FOXP1: variants seen among roughly 807,000 people sequenced by gnomAD.
FOXP1 encodes forkhead box P1.
Under a neutral mutation model 98.2 loss-of-function variants are expected in FOXP1, and 15 were observed. That is an observed-to-expected ratio of 0.15 (90% CI 0.10 to 0.24). FOXP1 has a LOEUF of 0.24. Ranked by LOEUF, FOXP1 falls within the 10% of genes least tolerant of loss-of-function variation. The pLI is 1.00. For synonymous variants in FOXP1, 371 were observed against 314.5 expected, an observed-to-expected ratio of 1.18 and a Z score of -1.90; for missense variants, 633 against 848.5, an observed-to-expected ratio of 0.75 and a Z score of 3.15.
intron 6 of FOXP1, among the ~76,000 whole-genome samples, chr3:71,135,468 A>G (rs1391902050): frequency 5.9e-5 from 9 of 151,964 alleles, no homozygotes; most frequent in Admixed American, 5.2e-4. Flanking sequence ...TCCCCTTTGA[A>G]AGTTCTAAGC....
chr3:70,955,215 C>G lies in FOXP1; in HGVS notation c.*4032G>C, dbSNP rs1377304023. On this transcript the variant is annotated 3_prime_UTR_variant, in exon 21 of 21. Transcript: ENST00000649528. Reference sequence around the variant, plus strand: ...AAAAGAGAGGAAATATTTTTTAACTCTATTTTTTTTCATGAGGAAAAAAAA... The same window carrying G: ...AAAAGAGAGGAAATATTTTTTAACTGTATTTTTTTTCATGAGGAAAAAAAA... 1.7e-5 allele frequency: 4 copies of G among 232,328 alleles called. No homozygotes were observed. The highest frequency in any genetic ancestry group is 6.1e-5 in the East Asian group (1 of 16,494). 14.4% of individuals were successfully genotyped at this position (232,328 alleles called of 1,614,324 possible).
intron 7 of FOXP1, among the ~76,000 whole-genome samples, chr3:71,085,749 T>TTTTTTTTTTTTTTTTTTTTTTTTTC (rs2055006693): frequency 7.2e-6 from 1 of 139,368 alleles, no homozygotes; most frequent in African/African-American, 2.7e-5. Context: ...TTTTTTTTTT[T>TTTTTTTTTTTTTTTTTTTTTTTTTC]ACATGGAGTC....
intron 4 of FOXP1, among the ~76,000 whole-genome samples, chr3:71,316,395 A>C (rs2075075881): frequency 6.6e-6 from 1 of 152,054 alleles, no homozygotes; most frequent in African/African-American, 2.4e-5. Flanking sequence ...GTACCTGTGA[A>C]CTATTCTAAC....
chr3:71,508,274 T>C (rs544443897), intron 2 of FOXP1, among the ~76,000 whole-genome samples: 1 of 152,370 alleles, frequency 6.6e-6, no homozygotes, highest in African/African-American at 2.4e-5. Flanking sequence ...TTAGATTCTT[T>C]ACATTTATCA....
At chr3:71,323,399 G>T (rs2075507819) in intron 4 of FOXP1, among the ~76,000 whole-genome samples, 1 of 152,144 alleles carries the variant, frequency 6.6e-6, no homozygotes, top group Non-Finnish European at 1.5e-5. Flanking sequence ...AACTGGGAGG[G>T]TGGAGAGGAA....
At chr3:71,108,829 T>C (rs562627989) in intron 7 of FOXP1, among the ~76,000 whole-genome samples, 23 of 152,346 alleles carry the variant, frequency 1.5e-4, no homozygotes, top group African/African-American at 5.0e-4. Flanking sequence ...ATCTTGTTAA[T>C]TTGTTTACAA....
chr3:71,360,436 G>A (rs2078480880), intron 3 of FOXP1: 3 of 152,098 alleles, frequency 2.0e-5, no homozygotes, highest in Admixed American at 2.0e-4. Context: ...TGCTGAGACT[G>A]CAAAGCTTTC....
intron 3 of FOXP1, among the ~76,000 whole-genome samples, chr3:71,452,674 C>G (rs2108505218): frequency 6.6e-6 from 1 of 152,292 alleles, no homozygotes; most frequent in East Asian, 1.9e-4. Context: ...CTTTGATGGT[C>G]ACAGAGCAGG....
intron 6 of FOXP1, among the ~76,000 whole-genome samples, chr3:71,177,890 G>A (rs2062040077): frequency 7.3e-6 from 1 of 137,216 alleles, no homozygotes; most frequent in African/African-American, 2.8e-5. Flanking sequence ...TGCCCAAGCT[G>A]GAGGGCAGTG....
intron 3 of FOXP1, among the ~76,000 whole-genome samples, 189 bp downstream of exon 3, chr3:71,493,237 C>G (rs2091191363): frequency 6.6e-6 from 1 of 152,088 alleles, no homozygotes; most frequent in Non-Finnish European, 1.5e-5. Context: ...TATCCTATGT[C>G]CTATTATGCC....
At chr3:71,558,124 C>T (rs945200186) in intron 2 of FOXP1, among the ~76,000 whole-genome samples, 2 of 152,188 alleles carry the variant, frequency 1.3e-5, no homozygotes, top group African/African-American at 4.8e-5. Context: ...ACAGTGTATG[C>T]ACAGCCTCCT....
At chr3:71,548,106 CA>C in intron 2 of FOXP1, among the ~76,000 whole-genome samples, 1 of 152,268 alleles carries the variant, frequency 6.6e-6, no homozygotes, top group East Asian at 1.9e-4. Flanking sequence ...CAAAGATAGA[CA>C]GGAATTCCAG....
intron 4 of FOXP1, among the ~76,000 whole-genome samples, chr3:71,336,836 T>C (rs1168931167): frequency 1.3e-5 from 2 of 152,170 alleles, no homozygotes; most frequent in East Asian, 3.9e-4. Flanking sequence ...GGATCAAACA[T>C]GAGCCTCTGG....
intron 2 of FOXP1, among the ~76,000 whole-genome samples, chr3:71,580,172 C>CA (rs78002378): frequency 2.2e-3 from 281 of 127,738 alleles, no homozygotes; most frequent in Middle Eastern, 8.1e-3. Flanking sequence ...TTTACTTTTC[C>CA]AAAAAAAAAA....
At chr3:71,543,755 T>C (rs2045091297) in intron 2 of FOXP1, among the ~76,000 whole-genome samples, 1 of 152,268 alleles carries the variant, frequency 6.6e-6, no homozygotes, top group Non-Finnish European at 1.5e-5. Context: ...CCTCTACTTC[T>C]GTGCCTGGAG....
intron 6 of FOXP1, among the ~76,000 whole-genome samples, chr3:71,172,371 G>C (rs549566727): frequency 6.6e-6 from 1 of 152,140 alleles, no homozygotes; most frequent in African/African-American, 2.4e-5. Flanking sequence ...GAAGGGTCTC[G>C]AGGGAATCCA....
intron 4 of FOXP1, among the ~76,000 whole-genome samples, chr3:71,337,322 A>T (rs4677608): frequency 0.41 from 62,642 of 152,040 alleles, 14,300 homozygotes; most frequent in East Asian, 0.73. Context: ...ATGGCTATTA[A>T]AACGGAAATT....
At chr3:71,404,126 T>TTA (rs1560436194) in intron 3 of FOXP1, among the ~76,000 whole-genome samples, 27 of 47,196 alleles carry the variant, frequency 5.7e-4, no homozygotes, top group African/African-American at 1.9e-3. Flanking sequence ...TTTTCTTTTT[T>TTA]TTTTTTTTTT....
chr3:71,387,996 T>TG (rs1186248927), intron 3 of FOXP1, among the ~76,000 whole-genome samples: 4 of 152,250 alleles, frequency 2.6e-5, no homozygotes, highest in Non-Finnish European at 5.9e-5. Context: ...TCTGTTTCTA[T>TG]GCATTACCCA....
Sources: allele counts gnomAD v4.1 joint callset (sites outside exome capture counted in the v4.1 genomes callset), GRCh38; gene constraint gnomAD v4.1.1; transcripts MANE v1.5; gene names NCBI Gene and HGNC (gene_info 2026-07-23, HGNC 2026-07-21).